RIMS2: variants seen among roughly 807,000 people sequenced by gnomAD.
RIMS2 encodes the protein regulating synaptic membrane exocytosis protein 2.
A neutral mutation model predicts 174.4 loss-of-function variants in RIMS2; 59 were observed. The observed-to-expected ratio is 0.34, with a 90% CI of 0.27 to 0.42. The LOEUF is 0.42. Ranked by LOEUF, RIMS2 falls within the 10% of genes least tolerant of loss-of-function variation. The pLI, the probability that RIMS2 is intolerant of heterozygous loss-of-function variation, is 1.00. For missense variants in RIMS2, 1,620 were observed against 1,666.3 expected, an observed-to-expected ratio of 0.97 and a Z score of 0.48; for synonymous variants, 606 against 572.5, an observed-to-expected ratio of 1.06 and a Z score of -0.84.
intron 19 of RIMS2, among the ~76,000 whole-genome samples, chr8:104,174,829 C>T (rs78410490): frequency 0.014 from 2,184 of 152,244 alleles, 57 homozygotes; most frequent in African/African-American, 0.05. Flanking sequence ...GAATAGGGCT[C>T]CCTTCCTTTC....
At chr8:104,227,696 T>C (rs769683071) in intron 19 of RIMS2, among the ~76,000 whole-genome samples, 7 of 152,288 alleles carry the variant, frequency 4.6e-5, no homozygotes, top group Non-Finnish European at 8.8e-5. Flanking sequence ...ATTATGTCCA[T>C]ATGTGATGAA....
chr8:103,572,278 G>C (rs1053196214), intron 1 of RIMS2, among the ~76,000 whole-genome samples: 3 of 152,218 alleles, frequency 2.0e-5, no homozygotes, highest in African/African-American at 7.2e-5. Context: ...CAGCATGGAA[G>C]GGGACCTGAG....
intron 14 of RIMS2, among the ~76,000 whole-genome samples, chr8:103,945,750 A>T (rs56103144): frequency 0.025 from 3,484 of 137,172 alleles, 142 homozygotes; most frequent in African/African-American, 0.094. Flanking sequence ...ATTCACAATT[A>T]AAAAAAAAAA....
chr8:104,006,552 A>C (rs1013136680), intron 17 of RIMS2, among the ~76,000 whole-genome samples: 1 of 152,062 alleles, frequency 6.6e-6, no homozygotes, highest in African/African-American at 2.4e-5. Flanking sequence ...CTCCTCAAAA[A>C]TAAAAATAAA....
chr8:103,672,666 C>T (rs148803371), intron 1 of RIMS2, among the ~76,000 whole-genome samples: 27 of 152,114 alleles, frequency 1.8e-4, no homozygotes, highest in African/African-American at 6.5e-4. Context: ...CCCCATGACC[C>T]AAACACTTTA....
At chr8:104,123,895 C>T (rs1324132454) in intron 19 of RIMS2, among the ~76,000 whole-genome samples, 1 of 152,032 alleles carries the variant, frequency 6.6e-6, no homozygotes, top group Non-Finnish European at 1.5e-5. Flanking sequence ...TATACACCAA[C>T]ACATGAAAAA....
chr8:103,606,681 G>C (rs2095105586), intron 1 of RIMS2, among the ~76,000 whole-genome samples: 1 of 152,110 alleles, frequency 6.6e-6, no homozygotes. Context: ...GAATCTGGGT[G>C]CTCCTATATT....
chr8:103,649,653 T>A (rs377095424), intron 1 of RIMS2, among the ~76,000 whole-genome samples: 1 of 151,782 alleles, frequency 6.6e-6, no homozygotes, highest in South Asian at 2.1e-4. Flanking sequence ...TCATTCTTTT[T>A]TTTTTTTCTT....
At chr8:103,746,622 G>A (rs565746896) in intron 2 of RIMS2, among the ~76,000 whole-genome samples, 2 of 152,026 alleles carry the variant, frequency 1.3e-5, no homozygotes, top group Non-Finnish European at 2.9e-5. Context: ...ACCTCTGAAA[G>A]GCCACAGTGT....
At chr8:103,868,962 C>A (rs1184885924) in intron 3 of RIMS2, among the ~76,000 whole-genome samples, 2 of 152,028 alleles carry the variant, frequency 1.3e-5, no homozygotes, top group Non-Finnish European at 2.9e-5. Flanking sequence ...TTCATCATAA[C>A]TATTTAACTG....
chr8:104,234,234 A>G lies in RIMS2; in HGVS notation c.3335-10682A>G, dbSNP rs555081212. Among the ~76,000 whole-genome samples, 8 of 152,260 alleles carry G rather than the reference A, an allele frequency of 5.3e-5. 1 individual carries two copies. The South Asian group carries it at 1.7e-3, about 32-fold the overall frequency. On this transcript the variant is annotated intron_variant, in intron 19 of 23. Transcript: ENST00000504942. ...CTGCCCAAAATTTGCAAATAGTCAA[A>G]TAGGAACTTGAACTCATATCATCTG...
At chr8:103,529,962 C>T (rs1473269325) in intron 1 of RIMS2, among the ~76,000 whole-genome samples, 1 of 152,002 alleles carries the variant, frequency 6.6e-6, no homozygotes, top group East Asian at 1.9e-4. Flanking sequence ...GAGCGTTCTT[C>T]AGTTAGAAGG....
intron 17 of RIMS2, among the ~76,000 whole-genome samples, chr8:103,998,967 A>G (rs970087992): frequency 6.6e-6 from 1 of 151,816 alleles, no homozygotes; most frequent in African/African-American, 2.4e-5. Context: ...ATTAGAAAGA[A>G]AAGAGAGAGA....
chr8:104,185,998 G>T (rs1344776760), intron 19 of RIMS2, among the ~76,000 whole-genome samples: 1 of 151,498 alleles, frequency 6.6e-6, no homozygotes, highest in Admixed American at 6.6e-5. Flanking sequence ...GTCAATGGAT[G>T]ATTAGATAAA....
chr8:103,500,660 A>C, upstream of RIMS2: 15 of 453,330 alleles, frequency 3.3e-5, no homozygotes, highest in East Asian at 1.1e-4. Flanking sequence ...GCCCCCGGGA[A>C]GAAGAAACAT....
At chr8:103,520,573 A>G (rs1831175875) in intron 1 of RIMS2, among the ~76,000 whole-genome samples, 1 of 152,278 alleles carries the variant, frequency 6.6e-6, no homozygotes, top group Middle Eastern at 3.4e-3. Context: ...GCTTGCCATT[A>G]GTAATCTGAC....
intron 19 of RIMS2, among the ~76,000 whole-genome samples, chr8:104,081,393 T>G (rs1486851809): frequency 6.6e-6 from 1 of 151,996 alleles, no homozygotes; most frequent in Admixed American, 6.6e-5. Flanking sequence ...ATTGTCAAAG[T>G]TTTACTTTGT....
chr8:103,548,825 A>C (rs1846274861), intron 1 of RIMS2, among the ~76,000 whole-genome samples: 1 of 152,200 alleles, frequency 6.6e-6, no homozygotes. Context: ...GCAAAGTTTT[A>C]GGGTACCAAA....
At chr8:104,079,729 T>C (rs1338937239) in intron 19 of RIMS2, among the ~76,000 whole-genome samples, 2 of 149,680 alleles carry the variant, frequency 1.3e-5, no homozygotes, top group East Asian at 3.9e-4. Flanking sequence ...AAAATACATA[T>C]ATTCTGTTTT....
Sources: gnomAD v4.1 joint callset for allele counts (sites outside exome capture counted in the v4.1 genomes callset) on GRCh38, gnomAD v4.1.1 for gene constraint, MANE v1.5 for transcripts, NCBI Gene and HGNC (gene_info 2026-07-23, HGNC 2026-07-21) for gene names.